FAM47E: variants seen among roughly 807,000 people sequenced by gnomAD.
FAM47E encodes family with sequence similarity 47 member E.
Under a neutral mutation model 41.6 loss-of-function variants are expected in FAM47E, and 32 were observed. The observed-to-expected ratio is 0.77, with a 90% CI of 0.58 to 1.03. The LOEUF (loss-of-function observed/expected upper bound fraction) is 1.03. FAM47E is among the 50% of genes least tolerant of loss of function. FAM47E has a pLI of 0.00. For synonymous variants in FAM47E, 184 were observed against 188.7 expected, an observed-to-expected ratio of 0.98 and a Z score of 0.20; for missense variants, 424 against 485.4, an observed-to-expected ratio of 0.87 and a Z score of 1.19.
chr4:76,218,609 TG>T (rs1413047651), intron 2 of FAM47E, among the ~76,000 whole-genome samples: 1 of 152,224 alleles, frequency 6.6e-6, no homozygotes, highest in East Asian at 1.9e-4. Context: ...TTATTTTGTT[TG>T]GGGTTATGGG....
chr4:76,221,821 G>A (rs1290201469), intron 2 of FAM47E, among the ~76,000 whole-genome samples: 1 of 152,080 alleles, frequency 6.6e-6, no homozygotes, highest in Non-Finnish European at 1.5e-5. Context: ...TCACTACCTG[G>A]GTGACAGGAT....
chr4:76,258,767 G>A (rs890578685), intron 2 of FAM47E, among the ~76,000 whole-genome samples: 4 of 152,216 alleles, frequency 2.6e-5, no homozygotes, highest in Admixed American at 2.6e-4. Flanking sequence ...AATCCTGAAA[G>A]CCAAATTCTG....
chr4:76,251,609 G>C (rs1733964642), upstream of FAM47E: 3 of 1,344,468 alleles, frequency 2.2e-6, no homozygotes, highest in Non-Finnish European at 2.9e-6. Flanking sequence ...GGGTTGGACC[G>C]CGCAGCGGGG....
At chr4:76,253,996 C>T (rs1487185996) in intron 1 of FAM47E, among the ~76,000 whole-genome samples, 28 of 151,914 alleles carry the variant, frequency 1.8e-4, no homozygotes, top group Non-Finnish European at 7.4e-5. Flanking sequence ...GTGCCGCACA[C>T]CTGTAGTCCC....
chr4:76,214,222 C>G, exon 1 of FAM47E: 1 of 454,562 alleles, frequency 2.2e-6, no homozygotes, highest in African/African-American at 2.0e-5. Context: ...GACACCGTTA[C>G]CGCAATTACA....
intron 7 of FAM47E, chr4:76,281,488 A>T (rs1735342779): frequency 6.6e-6 from 1 of 151,282 alleles, no homozygotes; most frequent in Non-Finnish European, 1.5e-5. Context: ...TAATATATAA[A>T]ATATAAAATA....
chr4:76,268,064 T>C (rs914014468), intron 3 of FAM47E: 14 of 152,250 alleles, frequency 9.2e-5, no homozygotes, highest in African/African-American at 3.4e-4. Context: ...TATATCTCAA[T>C]TTTTATAAAG....
upstream of FAM47E, chr4:76,251,621 G>T: frequency 7.4e-7 from 1 of 1,345,610 alleles, no homozygotes; most frequent in Non-Finnish European, 9.5e-7. Flanking sequence ...GCAGCGGGGC[G>T]TCAGAGTTGC....
chr4:76,250,996 G>A (rs771671653), upstream of FAM47E, among the ~76,000 whole-genome samples: 1 of 152,146 alleles, frequency 6.6e-6, no homozygotes, highest in Non-Finnish European at 1.5e-5. Flanking sequence ...GCTTAAAAAT[G>A]TAAGTACCCT....
rs1230485940 is a variant in FAM47E, at chr4:76,251,779, G to T, written c.33G>T (p.Gly11=). The T allele has an allele frequency of 1.3e-6, 2 of 1,491,294 alleles. No individual in the cohort carries two copies. The highest frequency in any genetic ancestry group is 1.8e-6 in the Non-Finnish European group (2 of 1,127,012). 92.4% of individuals were successfully genotyped at this position (1,491,294 alleles called of 1,614,324 possible). A position where few individuals can be genotyped will look rare whatever the true frequency, so the allele number is the denominator to read the frequency against. Residue 11 remains glycine (G), a synonymous_variant, in exon 1 of 8, where the codon GGG becomes GGT. Transcript: ENST00000424749. MADRRRRLRP[G]TLAPVREGVN... Reference sequence around the variant, plus strand: ...ACCGCAGGCGGCGGCTCCGGCCGGGGACGTTGGCCCCGGTGCGCGAGGGCG... The same window carrying T: ...ACCGCAGGCGGCGGCTCCGGCCGGGTACGTTGGCCCCGGTGCGCGAGGGCG...
At chr4:76,242,574 T>C (rs1009961770) in intron 2 of FAM47E, among the ~76,000 whole-genome samples, 8 of 152,204 alleles carry the variant, frequency 5.3e-5, no homozygotes, top group Non-Finnish European at 8.8e-5. Flanking sequence ...CTTGAGTGCC[T>C]CTTTGTGCTA....
At chr4:76,256,670 C>A in intron 2 of FAM47E, 147 bp downstream of exon 2, 2 of 951,418 alleles carry the variant, frequency 2.1e-6, no homozygotes, top group Non-Finnish European at 3.0e-6. Flanking sequence ...TCTTATGGGC[C>A]TCAGAGCAGC....
intron 7 of FAM47E, 52 bp downstream of exon 7, chr4:76,280,393 A>C (rs2110029874): frequency 1.9e-6 from 2 of 1,076,054 alleles, no homozygotes; most frequent in Non-Finnish European, 1.4e-6. Flanking sequence ...CATGGCTCAC[A>C]GTTGTTGACG....
intron 2 of FAM47E, among the ~76,000 whole-genome samples, chr4:76,263,401 T>C (rs1387900280): frequency 6.6e-6 from 1 of 152,240 alleles, no homozygotes; most frequent in African/African-American, 2.4e-5. Context: ...TAAAATACTT[T>C]TTTTGCAATT....
At chr4:76,254,708 AG>A (rs1734116621) in intron 1 of FAM47E, among the ~76,000 whole-genome samples, 1 of 152,192 alleles carries the variant, frequency 6.6e-6, no homozygotes, top group Admixed American at 6.5e-5. Context: ...TATAGATAAA[AG>A]GGGTCTGAAG....
chr4:76,217,707 A>G (rs1015824149), intron 2 of FAM47E: 4 of 568,282 alleles, frequency 7.0e-6, no homozygotes, highest in African/African-American at 3.7e-5. Context: ...ATAGCAACAC[A>G]AACAGACAAG....
At chr4:76,234,942 C>G (rs892993734) in intron 2 of FAM47E, among the ~76,000 whole-genome samples, 1 of 152,022 alleles carries the variant, frequency 6.6e-6, no homozygotes, top group Non-Finnish European at 1.5e-5. Context: ...TTTTCTTTGC[C>G]TGATTTAAAT....
intron 2 of FAM47E, among the ~76,000 whole-genome samples, chr4:76,235,048 T>A (rs1733560721): frequency 6.6e-6 from 1 of 152,216 alleles, no homozygotes; most frequent in African/African-American, 2.4e-5. Flanking sequence ...CCGGTCGCGG[T>A]GGCTCACACC....
intron 2 of FAM47E, among the ~76,000 whole-genome samples, chr4:76,218,853 A>C (rs1398476735): frequency 1.3e-5 from 2 of 152,218 alleles, no homozygotes; most frequent in African/African-American, 4.8e-5. Context: ...ATATGTCAGC[A>C]ATATTATCTG....
Sources: gnomAD v4.1 joint callset for allele counts (sites outside exome capture counted in the v4.1 genomes callset) on GRCh38, gnomAD v4.1.1 for gene constraint, MANE v1.5 for transcripts, NCBI Gene and HGNC (gene_info 2026-07-23, HGNC 2026-07-21) for gene names.